UGT1A8: variants seen among roughly 807,000 people sequenced by gnomAD.
The protein encoded by UGT1A8 is UDP-glucuronosyltransferase 1A8.
Under a neutral mutation model 45.3 loss-of-function variants are expected in UGT1A8, and 39 were observed. The ratio of observed to expected loss-of-function variants is 0.86; its 90% CI spans 0.67 to 1.12. UGT1A8 has a LOEUF of 1.12. Ranked by LOEUF, UGT1A8 falls within the 50% of genes most tolerant of loss-of-function variation. The probability of loss-of-function intolerance (pLI) is 0.00; values close to 1 mark genes in which losing one functional copy is unlikely to be tolerated. For synonymous variants in UGT1A8, 275 were observed against 249.2 expected (o/e 1.10, Z -0.97); for missense variants, 719 against 664.9 (o/e 1.08, Z -0.90).
Position 233,637,511 on chromosome 2 carries a change from G to C in UGT1A8, c.855+18949G>C, listed in dbSNP as rs1901814. 4.0e-3 allele frequency: 5,927 copies of C among 1,477,838 alleles called. 267 individuals carry two copies. The East Asian group carries it at 0.1, about 25-fold the overall frequency. The allele number at this position is 1,477,838 out of a possible 1,614,324, so 91.5% of individuals were successfully genotyped here. A position where few individuals can be genotyped will look rare whatever the true frequency, so the allele number is the denominator to read the frequency against. ...TCTTTCCAGTTTAACAAATTATTTT[G>C]TGCGAATTCATGTACTCATCAATTA... On this transcript the variant is annotated intron_variant, in intron 1 of 4. Coordinates refer to ENST00000373450, the MANE Select transcript of UGT1A8 (RefSeq NM_019076.5).
chr2:233,765,286 A>G (rs1698795381), intron 1 of UGT1A8, among the ~76,000 whole-genome samples: 1 of 152,246 alleles, frequency 6.6e-6, no homozygotes. Flanking sequence ...AAATTATTCT[A>G]CTATAAAGAC....
At chr2:233,709,716 G>T (rs2076087983) in intron 1 of UGT1A8, among the ~76,000 whole-genome samples, 1 of 152,154 alleles carries the variant, frequency 6.6e-6, no homozygotes, top group Non-Finnish European at 1.5e-5. Context: ...TTAATTGAAT[G>T]ATATGTTTTC....
chr2:233,665,940 A>G (rs985711931), intron 1 of UGT1A8, among the ~76,000 whole-genome samples: 2 of 152,108 alleles, frequency 1.3e-5, no homozygotes, highest in Non-Finnish European at 2.9e-5. Flanking sequence ...ACTCACCAAC[A>G]CTGGATGTCT....
rs751079138 is a variant in UGT1A8, at chr2:233,618,379, CA to C, written c.677del (p.Asn226MetfsTer3). On this transcript the variant is annotated frameshift_variant, in exon 1 of 5. Coordinates refer to ENST00000373450, the MANE Select transcript of UGT1A8 (RefSeq NM_019076.5). LOFTEE classifies it high-confidence loss of function. ...EEHLFCQYFS[K>X]NALEIASEIL... is the part of the protein sequence containing the mutation. ...AACATTTATTTTGCCAGTATTTTTC[CA>C]AAAATGCCCTAGAAATAGCCTCTGA... The C allele has an allele frequency of 6.2e-7, 1 of 1,613,738 alleles. No homozygotes were observed. The highest frequency in any genetic ancestry group is 8.5e-7 in the Non-Finnish European group (1 of 1,179,828).
intron 1 of UGT1A8, among the ~76,000 whole-genome samples, chr2:233,630,674 G>A (rs2073170526): frequency 6.6e-6 from 1 of 152,056 alleles, no homozygotes; most frequent in African/African-American, 2.4e-5. Flanking sequence ...CATGTCACAT[G>A]GCAAGAGCAG....
chr2:233,753,563 T>C (rs1178575284), intron 1 of UGT1A8: 3 of 152,234 alleles, frequency 2.0e-5, no homozygotes, highest in Non-Finnish European at 2.9e-5. Flanking sequence ...CCCTAGAAGA[T>C]GGGACCCTTT....
chr2:233,742,761 T>C (rs978880235), intron 1 of UGT1A8: 1 of 153,020 alleles, frequency 6.5e-6, no homozygotes, highest in African/African-American at 2.4e-5. Flanking sequence ...ATTAAGATAA[T>C]AAATGCATGT....
At chr2:233,691,675 A>G (rs539238646) in intron 1 of UGT1A8, 89 of 967,552 alleles carry the variant, frequency 9.2e-5, no homozygotes, top group Non-Finnish European at 1.1e-4. Flanking sequence ...GCCTCAGTTG[A>G]GAAACCTGAA....
At chr2:233,753,157 T>C (rs1695143636) in intron 1 of UGT1A8, 2 of 152,228 alleles carry the variant, frequency 1.3e-5, no homozygotes, top group African/African-American at 2.4e-5. Context: ...TAAGTTCCCT[T>C]ATCCGGATCA....
At chr2:233,734,911 G>C (rs1486210050) in intron 1 of UGT1A8, among the ~76,000 whole-genome samples, 1 of 152,162 alleles carries the variant, frequency 6.6e-6, no homozygotes, top group African/African-American at 2.4e-5. Context: ...TTTTACATTT[G>C]CTAAGGAGTG....
At chr2:233,755,424 C>G (rs976220166) in intron 1 of UGT1A8, 2 of 319,210 alleles carry the variant, frequency 6.3e-6, no homozygotes, top group Non-Finnish European at 1.2e-5. Flanking sequence ...GTGAGCGCCT[C>G]GCATCCCAAG....
At chr2:233,669,346 A>G (rs2074136165) in intron 1 of UGT1A8, among the ~76,000 whole-genome samples, 1 of 152,172 alleles carries the variant, frequency 6.6e-6, no homozygotes. Flanking sequence ...CAATTTGTAC[A>G]AAAAGATAGC....
chr2:233,730,157 C>T (rs1042969682), intron 1 of UGT1A8, among the ~76,000 whole-genome samples: 1 of 152,168 alleles, frequency 6.6e-6, no homozygotes, highest in Non-Finnish European at 1.5e-5. Context: ...TAAGGGGTCT[C>T]TAGTAGCGTA....
chr2:233,691,858 T>G (rs966691161), intron 1 of UGT1A8: 1 of 157,408 alleles, frequency 6.4e-6, no homozygotes, highest in Non-Finnish European at 1.4e-5. Context: ...TTGTGATGTA[T>G]AATAAGAAAT....
At chr2:233,690,523 C>G (rs1440582622) in intron 1 of UGT1A8, 1 of 1,289,714 alleles carries the variant, frequency 7.8e-7, no homozygotes, top group Non-Finnish European at 1.0e-6. Flanking sequence ...ATCTTAGGAT[C>G]TACTTCTTTC....
intron 1 of UGT1A8, among the ~76,000 whole-genome samples, chr2:233,702,537 T>G (rs2075692564): frequency 6.6e-6 from 1 of 152,208 alleles, no homozygotes; most frequent in Non-Finnish European, 1.5e-5. Context: ...ATCTTGTTCC[T>G]GATCTTAGGT....
At chr2:233,762,729 T>G (rs1012866470) in intron 1 of UGT1A8, among the ~76,000 whole-genome samples, 22 of 152,030 alleles carry the variant, frequency 1.4e-4, no homozygotes, top group Non-Finnish European at 3.2e-4. Context: ...TTTTTTTTTT[T>G]GGTCACTACT....
chr2:233,633,878 C>T (rs2073233278), intron 1 of UGT1A8, among the ~76,000 whole-genome samples: 1 of 152,092 alleles, frequency 6.6e-6, no homozygotes, highest in Non-Finnish European at 1.5e-5. Flanking sequence ...TCTTGCTTCT[C>T]TAGTTCTTTT....
intron 1 of UGT1A8, among the ~76,000 whole-genome samples, chr2:233,634,670 A>G (rs945830045): frequency 7.1e-6 from 1 of 140,316 alleles, no homozygotes; most frequent in African/African-American, 2.8e-5. Flanking sequence ...ATATTCCTCT[A>G]TCCCTTTATT....
Sources: allele counts gnomAD v4.1 joint callset (sites outside exome capture counted in the v4.1 genomes callset), GRCh38; gene constraint gnomAD v4.1.1; transcripts MANE v1.5; gene names NCBI Gene and HGNC (gene_info 2026-07-23, HGNC 2026-07-21).